TRIM44: variants seen among roughly 807,000 people sequenced by gnomAD.
The protein encoded by TRIM44 is tripartite motif containing 44.
TRIM44 carries 13 observed loss-of-function variants against 37.4 expected under a neutral mutation model. That is an observed-to-expected ratio of 0.35 (90% confidence interval 0.23 to 0.55). TRIM44 has a LOEUF of 0.55. TRIM44 is among the 20% of genes least tolerant of loss of function. The probability of loss-of-function intolerance (pLI) is 0.89; values close to 1 mark genes in which losing one functional copy is unlikely to be tolerated. For missense variants in TRIM44, 426 were observed against 437.2 expected (o/e 0.97, Z 0.23); for synonymous variants, 175 against 157.2 (o/e 1.11, Z -0.85).
At chr11:35,781,300 G>T (rs182811582) in intron 4 of TRIM44, among the ~76,000 whole-genome samples, 7 of 152,220 alleles carry the variant, frequency 4.6e-5, no homozygotes, top group Admixed American at 6.5e-5. Flanking sequence ...TTTATAATCT[G>T]AATGATATGG....
At chr11:35,732,470 C>G (rs1176868253) in intron 3 of TRIM44, among the ~76,000 whole-genome samples, 1 of 152,146 alleles carries the variant, frequency 6.6e-6, no homozygotes, top group Non-Finnish European at 1.5e-5. Flanking sequence ...TAAAGCTTAC[C>G]TATATCTTGA....
At position 35,808,657 on chromosome 11, in the gene TRIM44, T is replaced by C. The variant is rs1376635052; in HGVS notation, c.*2272T>C. 6.6e-6 allele frequency: 1 copy of C among 152,238 alleles called. No homozygotes were observed. The highest frequency in any genetic ancestry group is 2.4e-5 in the African/African-American group (1 of 41,474). 9.4% of individuals were successfully genotyped at this position (152,238 alleles called of 1,614,324 possible). A position where few individuals can be genotyped will look rare whatever the true frequency, so the allele number is the denominator to read the frequency against. ...CTGTGATCCTCAAGGAAAGCACTTT[T>C]GCTTTTACTTAGAAAGCGTTTCAGA... On this transcript the variant is annotated 3_prime_UTR_variant, in exon 5 of 5. Transcript: ENST00000299413.
At chr11:35,803,326 G>C (rs112456203) in intron 4 of TRIM44, among the ~76,000 whole-genome samples, 1 of 151,842 alleles carries the variant, frequency 6.6e-6, no homozygotes, top group African/African-American at 2.4e-5. Flanking sequence ...CACTCCAGTT[G>C]TAAGTCTAAG....
chr11:35,728,194 C>T (rs777614314), intron 3 of TRIM44, among the ~76,000 whole-genome samples: 10 of 152,010 alleles, frequency 6.6e-5, no homozygotes, highest in Non-Finnish European at 1.5e-4. Context: ...GGTATGGTGG[C>T]GAGCACCTGC....
At position 35,813,555 on chromosome 11, in the gene TRIM44, G is replaced by A. The variant is rs1488924113; in HGVS notation, c.*7170G>A. 6.6e-6 allele frequency: 1 copy of A among 152,088 alleles called. No individual in the cohort carries two copies. The highest frequency in any genetic ancestry group is 1.5e-5 in the Non-Finnish European group (1 of 68,010). The allele number at this position is 152,088 out of a possible 1,614,324, so 9.4% of individuals were successfully genotyped here. On this transcript the variant is annotated 3_prime_UTR_variant, in exon 5 of 5. Coordinates refer to ENST00000299413, the MANE Select transcript of TRIM44 (RefSeq NM_017583.6). ...AAAGGAGGACAGCAATAGAGAAAAT[G>A]GAAATTTTGAGTAGACTGCAAAGCT...
At chr11:35,702,943 G>A (rs186756522) in intron 2 of TRIM44, among the ~76,000 whole-genome samples, 21 of 152,346 alleles carry the variant, frequency 1.4e-4, no homozygotes, top group African/African-American at 4.6e-4. Context: ...ACGAGCCGAA[G>A]CAGGGCGAGG....
chr11:35,727,648 C>T (rs527635765), intron 3 of TRIM44, among the ~76,000 whole-genome samples: 5 of 152,258 alleles, frequency 3.3e-5, no homozygotes, highest in East Asian at 1.9e-4. Flanking sequence ...TTAATCCTTA[C>T]GTCAGCATTA....
intron 2 of TRIM44, among the ~76,000 whole-genome samples, chr11:35,707,863 G>A (rs1251938978): frequency 3.7e-5 from 5 of 136,312 alleles, no homozygotes; most frequent in African/African-American, 5.3e-5. Flanking sequence ...AGGACTTCAC[G>A]TCTAAAACAC....
intron 4 of TRIM44, among the ~76,000 whole-genome samples, chr11:35,753,211 G>C (rs569594375): frequency 3.3e-5 from 5 of 152,262 alleles, no homozygotes; most frequent in African/African-American, 1.2e-4. Context: ...ATTGGGGGGG[G>C]AGTTAAATGA....
In TRIM44 at chr11:35,810,931, G is replaced by A. The variant is rs1853521207; in HGVS notation, c.*4546G>A. On this transcript the variant is annotated 3_prime_UTR_variant, in exon 5 of 5. Transcript: ENST00000299413. ...AAGGGAATTACACGTTTGGGTTAATGTTTCAGTATATCATTTTCATACTGT... is the reference window on the plus strand; with the variant it reads ...AAGGGAATTACACGTTTGGGTTAATATTTCAGTATATCATTTTCATACTGT... The A allele has an allele frequency of 6.6e-6, 1 of 152,176 alleles. No homozygotes were observed. Among genetic ancestry groups the A allele is most frequent in the Admixed American group, 6.5e-5 (1 of 15,278 alleles). 9.4% of individuals were successfully genotyped at this position (152,176 alleles called of 1,614,324 possible). A position where few individuals can be genotyped will look rare whatever the true frequency, so the allele number is the denominator to read the frequency against.
chr11:35,711,205 C>A (rs545377438), intron 2 of TRIM44, among the ~76,000 whole-genome samples: 1 of 152,124 alleles, frequency 6.6e-6, no homozygotes, highest in African/African-American at 2.4e-5. Context: ...TGAATTATAT[C>A]TCAATAAAAC....
rs756216466 is a variant in TRIM44 at position 35,663,264 on chromosome 11, G to A, written c.153G>A (p.Lys51=). Residue 51 remains lysine (K), a synonymous_variant, in exon 1 of 5, where the codon AAG becomes AAA. Transcript: ENST00000299413. ...CRRHAEAHRQ[K]FLSHHLAEYV... ...GCCATGCCGAGGCGCACAGGCAGAA[G>A]TTCCTCAGTCACCATCTGGCCGAAT... The A allele has an allele frequency of 1.9e-6, 3 of 1,612,344 alleles. No individual in the cohort carries two copies. Among genetic ancestry groups the A allele is most frequent in the South Asian group, 2.2e-5 (2 of 91,064 alleles).
At chr11:35,744,470 T>G (rs186577801) in intron 4 of TRIM44, among the ~76,000 whole-genome samples, 3 of 152,320 alleles carry the variant, frequency 2.0e-5, no homozygotes, top group Non-Finnish European at 4.4e-5. Flanking sequence ...AATTCTTATT[T>G]GTCAATAACA....
intron 1 of TRIM44, among the ~76,000 whole-genome samples, chr11:35,672,354 A>G (rs1362050160): frequency 6.6e-6 from 1 of 152,132 alleles, no homozygotes; most frequent in East Asian, 1.9e-4. Context: ...AACTGATTTC[A>G]TGGCACACTA....
intron 4 of TRIM44, among the ~76,000 whole-genome samples, chr11:35,797,974 A>G (rs1355019831): frequency 6.6e-6 from 1 of 152,236 alleles, no homozygotes; most frequent in Non-Finnish European, 1.5e-5. Flanking sequence ...GGACACACCC[A>G]TGACACAGCC....
At chr11:35,777,133 G>T (rs1852979001) in intron 4 of TRIM44, among the ~76,000 whole-genome samples, 1 of 152,140 alleles carries the variant, frequency 6.6e-6, no homozygotes, top group African/African-American at 2.4e-5. Context: ...ATGAATCTGG[G>T]TGCTCCTGTA....
chr11:35,719,218 G>C (rs1388391540), intron 2 of TRIM44, among the ~76,000 whole-genome samples: 1 of 152,048 alleles, frequency 6.6e-6, no homozygotes, highest in African/African-American at 2.4e-5. Flanking sequence ...GAGATTTTCT[G>C]TTCTTCCACA....
At chr11:35,701,531 C>A (rs565738046) in intron 2 of TRIM44, among the ~76,000 whole-genome samples, 16 of 152,230 alleles carry the variant, frequency 1.1e-4, no homozygotes, top group African/African-American at 3.9e-4. Context: ...AGAAAGTACT[C>A]ATTCCCTAAG....
At chr11:35,700,944 C>G (rs1362551642) in intron 2 of TRIM44, among the ~76,000 whole-genome samples, 1 of 152,130 alleles carries the variant, frequency 6.6e-6, no homozygotes, top group Non-Finnish European at 1.5e-5. Context: ...TTTATATAAA[C>G]ATTACACACA....
Sources: gnomAD v4.1 joint callset for allele counts (sites outside exome capture counted in the v4.1 genomes callset) on GRCh38, gnomAD v4.1.1 for gene constraint, MANE v1.5 for transcripts, NCBI Gene and HGNC (gene_info 2026-07-23, HGNC 2026-07-21) for gene names.